The following ADCY10 variants were observed in gnomAD, a reference collection of about 807,000 sequenced individuals.
The protein encoded by ADCY10 is adenylate cyclase type 10.
Under a neutral mutation model 183.3 loss-of-function variants are expected in ADCY10, and 156 were observed. That is an observed-to-expected ratio of 0.85 (90% confidence interval 0.75 to 0.97). The LOEUF (loss-of-function observed/expected upper bound fraction) is 0.97, where lower values mean the gene tolerates loss of function less well. Ranked by LOEUF, ADCY10 falls within the 50% of genes least tolerant of loss-of-function variation. The pLI, the probability that ADCY10 is intolerant of heterozygous loss-of-function variation, is 0.00. For missense variants in ADCY10, 1,745 were observed against 1,934.3 expected (o/e 0.90, Z 1.84); for synonymous variants, 645 against 670.0 (o/e 0.96, Z 0.58).
chr1:167,860,616 A>G (rs576319249), intron 15 of ADCY10, among the ~76,000 whole-genome samples: 1 of 152,314 alleles, frequency 6.6e-6, no homozygotes, highest in African/African-American at 2.4e-5. Context: ...AGTAGCTAGT[A>G]TAGCTATGAT....
rs145792024 is a variant in ADCY10, at chr1:167,884,038, C to T, written c.829-410G>A. On this transcript the variant is annotated intron_variant, in intron 8 of 32. Transcript: ENST00000367851. ...GATATTTTGATACAGGCATGCAATG[C>T]GTAATAATCACATCAGGGTAAATGG... Among the ~76,000 whole-genome samples, 741 of 152,256 alleles carry T rather than the reference C, an allele frequency of 4.9e-3. 7 individuals carry two copies. Among genetic ancestry groups the T allele is most frequent in the African/African-American group, 0.016 (685 of 41,534 alleles).
chr1:167,861,101 T>A (rs770491523), intron 14 of ADCY10, 38 bp from the exon 15 acceptor site: 266 of 1,546,114 alleles, frequency 1.7e-4, no homozygotes, highest in Non-Finnish European at 2.3e-4. Flanking sequence ...AGAGAGTTTT[T>A]AAATATATAT....
At chr1:167,882,504 A>G (rs1206913120) in intron 9 of ADCY10, among the ~76,000 whole-genome samples, 1 of 149,480 alleles carries the variant, frequency 6.7e-6, no homozygotes, top group African/African-American at 2.5e-5. Flanking sequence ...AAAAAAAAAA[A>G]GAACAGAGCG....
intron 14 of ADCY10, 28 bp downstream of exon 14, chr1:167,870,229 C>T: frequency 6.2e-7 from 1 of 1,613,538 alleles, no homozygotes; most frequent in Non-Finnish European, 8.5e-7. Flanking sequence ...TATGGGTTCA[C>T]ACAGAACAAT....
At chr1:167,856,984 T>A (rs905039520) in intron 16 of ADCY10, among the ~76,000 whole-genome samples, 4 of 152,346 alleles carry the variant, frequency 2.6e-5, no homozygotes, top group South Asian at 4.1e-4. Context: ...CACAGGTCCC[T>A]TTTCTCATAT....
rs34888342 is a variant in ADCY10 at position 167,822,812 on chromosome 1, C to T, written c.4168+196G>A. Among the ~76,000 whole-genome samples, 4,322 of 152,248 alleles carry T rather than the reference C, an allele frequency of 0.028. 99 individuals are homozygous for T. The highest frequency in any genetic ancestry group is 0.038 in the Non-Finnish European group (2,597 of 68,028). On this transcript the variant is annotated intron_variant, in intron 29 of 32. Transcript: ENST00000367851. ...GGTTCCTTCAGACTTAATTCTCCTT[C>T]TTGCCGTGCCTTTACAATCTCGGCA...
intron 9 of ADCY10, among the ~76,000 whole-genome samples, chr1:167,881,808 C>T (rs773346453): frequency 1.3e-5 from 2 of 152,162 alleles, no homozygotes; most frequent in African/African-American, 4.8e-5. Context: ...CTGCAAGACA[C>T]GAAAGACTGT....
At position 167,870,638 on chromosome 1, in the gene ADCY10, C is replaced by CAAA. The variant is rs58787930; in HGVS notation, c.1463-231_1463-229dup. 0.034 allele frequency among the ~76,000 whole-genome samples: 3,176 copies of CAAA among 93,644 alleles called. 162 individuals carry two copies. Among genetic ancestry groups the CAAA allele is most frequent in the African/African-American group, 0.13 (2,960 of 23,296 alleles). The allele number at this position is 93,644 out of a possible 152,430, so 61.4% of individuals were successfully genotyped here. ...TGAAACCCTGCCTCTACTGAAAATA[C>CAAA]AAAAAAAAAAAAAAAAAAAAATTAG... On this transcript the variant is annotated intron_variant, in intron 13 of 32. Coordinates refer to ENST00000367851, the MANE Select transcript of ADCY10 (RefSeq NM_018417.6).
intron 1 of ADCY10, among the ~76,000 whole-genome samples, chr1:167,908,242 T>A (rs1669939453): frequency 6.6e-6 from 1 of 152,222 alleles, no homozygotes; most frequent in Non-Finnish European, 1.5e-5. Context: ...GGAAATTCTT[T>A]CTTGTATGAT....
intron 21 of ADCY10, among the ~76,000 whole-genome samples, chr1:167,843,423 C>T (rs529134381): frequency 2.0e-5 from 3 of 151,950 alleles, no homozygotes; most frequent in Non-Finnish European, 4.4e-5. Context: ...TCCCCTTTCC[C>T]TCATCTCTTT....
intron 8 of ADCY10, among the ~76,000 whole-genome samples, chr1:167,891,368 A>T (rs922091980): frequency 6.6e-6 from 1 of 150,628 alleles, no homozygotes; most frequent in Non-Finnish European, 1.5e-5. Context: ...AATAAAGGAG[A>T]GTGTTGGGTC....
Position 167,903,910 on chromosome 1 carries a change from T to C in ADCY10, c.230A>G (p.Tyr77Cys), listed in dbSNP as rs1194446722. ...GAEQLVEILNYHISAIVEKVL... is the reference protein window; with the variant it reads ...GAEQLVEILNCHISAIVEKVL... ...ACTCTCCACTATTGCACTTATGTGG[T>C]AGTTGAGGATCTCCACCAACTGCTC... The change falls in exon 3 of 33, where the codon TAC becomes TGC. Residue 77 changes from tyrosine to cysteine, a missense_variant. By Grantham distance (194) the Tyr-to-Cys change is radical (BLOSUM62 -2). Transcript: ENST00000367851. 8.1e-6 allele frequency: 13 copies of C among 1,612,356 alleles called. No individual in the cohort carries two copies. Among genetic ancestry groups the C allele is most frequent in the Non-Finnish European group, 1.1e-5 (13 of 1,178,584 alleles).
chr1:167,858,847 C>T (rs1167141015), intron 16 of ADCY10, among the ~76,000 whole-genome samples: 1 of 152,078 alleles, frequency 6.6e-6, no homozygotes, highest in Non-Finnish European at 1.5e-5. Context: ...TGAATTGAAG[C>T]AGAGAGGTGT....
At chr1:167,857,171 G>A (rs1422824882) in intron 16 of ADCY10, among the ~76,000 whole-genome samples, 19 of 152,150 alleles carry the variant, frequency 1.2e-4, no homozygotes, top group Admixed American at 1.2e-3. Flanking sequence ...ACTGTGTAAG[G>A]TGTCACAATG....
At chr1:167,824,979 G>A (rs983004465) in intron 26 of ADCY10, 124 bp from the exon 27 acceptor site, 79 of 944,626 alleles carry the variant, frequency 8.4e-5, no homozygotes, top group Non-Finnish European at 1.1e-4. Flanking sequence ...ACATTTGGCC[G>A]AAGCCATGGG....
At chr1:167,813,525 AAAAG>A (rs1168898679) in intron 31 of ADCY10, among the ~76,000 whole-genome samples, 3 of 152,182 alleles carry the variant, frequency 2.0e-5, no homozygotes, top group Non-Finnish European at 4.4e-5. Context: ...GAAAGAAAAG[AAAAG>A]AAAGAAAGAC....
chr1:167,880,043 C>T, intron 11 of ADCY10, 72 bp downstream of exon 11: 1 of 1,337,972 alleles, frequency 7.5e-7, no homozygotes, highest in Admixed American at 1.9e-5. Flanking sequence ...TTTTGTGCTT[C>T]CTCCCGCAAA....
intron 13 of ADCY10, among the ~76,000 whole-genome samples, chr1:167,872,648 A>G (rs1223571245): frequency 2.0e-5 from 3 of 151,628 alleles, no homozygotes; most frequent in Non-Finnish European, 2.9e-5. Context: ...TTGTAAAAGA[A>G]GGGCATTTCC....
intron 19 of ADCY10, among the ~76,000 whole-genome samples, chr1:167,846,590 T>C (rs963632309): frequency 6.6e-6 from 1 of 152,206 alleles, no homozygotes; most frequent in Admixed American, 6.5e-5. Context: ...TAATCACTAT[T>C]GTCAGAAGGA....
Sources: gnomAD v4.1 joint callset for allele counts (sites outside exome capture counted in the v4.1 genomes callset) on GRCh38, gnomAD v4.1.1 for gene constraint, MANE v1.5 for transcripts, NCBI Gene and HGNC (gene_info 2026-07-23, HGNC 2026-07-21) for gene names.